The following CCDC178 variants were observed in gnomAD, a reference collection of about 807,000 sequenced individuals.
CCDC178 encodes the protein coiled-coil domain-containing protein 178.
A neutral mutation model predicts 117.4 loss-of-function variants in CCDC178; 126 were observed. The observed-to-expected ratio is 1.07, with a 90% CI of 0.93 to 1.24. The LOEUF (loss-of-function observed/expected upper bound fraction) is 1.24, where lower values mean the gene tolerates loss of function less well. Ranked by LOEUF, CCDC178 falls within the 50% of genes most tolerant of loss-of-function variation. The probability of loss-of-function intolerance (pLI) is 0.00; values close to 1 mark genes in which losing one functional copy is unlikely to be tolerated. For missense variants in CCDC178, 1,030 were observed against 986.9 expected (o/e 1.04, Z -0.59); for synonymous variants, 283 against 313.4 (o/e 0.90, Z 1.02).
chr18:33,356,910 C>T (rs1209455430), intron 6 of CCDC178, among the ~76,000 whole-genome samples: 1 of 151,978 alleles, frequency 6.6e-6, no homozygotes, highest in Non-Finnish European at 1.5e-5. Context: ...TTTTAGGGAG[C>T]CTGACACTTT....
At position 33,292,391 on chromosome 18, in the gene CCDC178, G is replaced by A. The variant is rs529365818; in HGVS notation, c.1176+768C>T. ...AACAGGTTGATCTCACAGAAGCAGA[G>A]AGTAGAACAGTGATAACTAGAGACT... On this transcript the variant is annotated intron_variant, in intron 12 of 22. Transcript: ENST00000383096. Among the ~76,000 whole-genome samples, 12 of 152,248 alleles carry A rather than the reference G, an allele frequency of 7.9e-5. No homozygotes were observed. The South Asian group carries it at 2.5e-3, about 32-fold the overall frequency.
intron 12 of CCDC178, 93 bp downstream of exon 12, chr18:33,293,066 G>T: frequency 1.3e-6 from 1 of 770,016 alleles, no homozygotes; most frequent in Non-Finnish European, 2.0e-6. Flanking sequence ...TAAAAAAATT[G>T]GCCAATTGCT....
At chr18:33,213,393 T>G (rs1361402971) in intron 19 of CCDC178, among the ~76,000 whole-genome samples, 1 of 152,020 alleles carries the variant, frequency 6.6e-6, no homozygotes, top group Non-Finnish European at 1.5e-5. Context: ...TGGTTTTTCC[T>G]CTACATCATT....
intron 21 of CCDC178, among the ~76,000 whole-genome samples, chr18:32,984,518 C>T (rs1695409336): frequency 1.3e-5 from 2 of 149,244 alleles, no homozygotes; most frequent in Admixed American, 1.3e-4. Context: ...TTACTGCATT[C>T]TGGTAGATTT....
chr18:33,234,687 T>G (rs2059407536), intron 15 of CCDC178, among the ~76,000 whole-genome samples: 1 of 152,108 alleles, frequency 6.6e-6, no homozygotes, highest in African/African-American at 2.4e-5. Flanking sequence ...CTAACTCCCT[T>G]ATTAATTTGA....
intron 22 of CCDC178, among the ~76,000 whole-genome samples, chr18:32,959,667 A>G (rs558726551): frequency 6.6e-6 from 1 of 152,156 alleles, no homozygotes; most frequent in South Asian, 2.1e-4. Flanking sequence ...TGGATGAAAA[A>G]TCATGTGCCT....
intron 20 of CCDC178, among the ~76,000 whole-genome samples, chr18:33,201,530 C>G (rs1296706179): frequency 1.3e-5 from 2 of 152,176 alleles, no homozygotes; most frequent in African/African-American, 2.4e-5. Context: ...ATGCGAATGT[C>G]TCTGGGTTAA....
At chr18:33,110,524 C>T (rs2057766518) in intron 20 of CCDC178, among the ~76,000 whole-genome samples, 1 of 151,548 alleles carries the variant, frequency 6.6e-6, no homozygotes, top group Non-Finnish European at 1.5e-5. Context: ...CTTTACATAA[C>T]TTTAACATTT....
chr18:32,944,487 A>C (rs1272181825), intron 22 of CCDC178, among the ~76,000 whole-genome samples: 1 of 152,200 alleles, frequency 6.6e-6, no homozygotes, highest in Non-Finnish European at 1.5e-5. Context: ...TCTGTAGTAC[A>C]TATTAATTGA....
intron 20 of CCDC178, among the ~76,000 whole-genome samples, chr18:33,124,545 AATG>A (rs2057979587): frequency 6.6e-6 from 1 of 152,224 alleles, no homozygotes; most frequent in African/African-American, 2.4e-5. Flanking sequence ...ATTTGTGAGT[AATG>A]ATAACTAACT....
intron 20 of CCDC178, among the ~76,000 whole-genome samples, chr18:33,164,422 A>G (rs1568028081): frequency 6.6e-6 from 1 of 152,076 alleles, no homozygotes; most frequent in Non-Finnish European, 1.5e-5. Context: ...ACCAGGATCC[A>G]TTAGTATTCT....
chr18:33,344,090 G>A (rs2062851988), intron 9 of CCDC178, among the ~76,000 whole-genome samples: 1 of 150,628 alleles, frequency 6.6e-6, no homozygotes. Flanking sequence ...GGATCATGAG[G>A]TCAGGAGATC....
At chr18:33,148,540 C>T (rs1041626517) in intron 20 of CCDC178, among the ~76,000 whole-genome samples, 2 of 151,868 alleles carry the variant, frequency 1.3e-5, no homozygotes, top group Admixed American at 1.3e-4. Context: ...CTTGGGGAAT[C>T]TTTGTAATGT....
chr18:33,344,064 G>C (rs2062851430), intron 9 of CCDC178, among the ~76,000 whole-genome samples: 1 of 151,770 alleles, frequency 6.6e-6, no homozygotes, highest in Non-Finnish European at 1.5e-5. Context: ...CAGCACTTTG[G>C]GAGGCCGAGG....
chr18:33,304,138 A>C (rs778256050), intron 11 of CCDC178, among the ~76,000 whole-genome samples: 3 of 152,230 alleles, frequency 2.0e-5, no homozygotes, highest in Non-Finnish European at 4.4e-5. Flanking sequence ...CTGCATAAAA[A>C]GTATAACCAA....
At chr18:33,413,679 A>G (rs1331056214) in intron 2 of CCDC178, among the ~76,000 whole-genome samples, 3 of 151,610 alleles carry the variant, frequency 2.0e-5, no homozygotes, top group Non-Finnish European at 4.4e-5. Context: ...TGAGACTAAC[A>G]TTTTAGGCCA....
chr18:33,111,071 T>G (rs944380343), intron 20 of CCDC178, among the ~76,000 whole-genome samples: 1 of 151,548 alleles, frequency 6.6e-6, no homozygotes, highest in African/African-American at 2.4e-5. Context: ...CTCAGAAAGG[T>G]TTGTAGTTTT....
chr18:33,321,168 A>T (rs946864306), intron 11 of CCDC178, among the ~76,000 whole-genome samples: 1 of 152,244 alleles, frequency 6.6e-6, no homozygotes, highest in Non-Finnish European at 1.5e-5. Context: ...ACCATTCAGG[A>T]CATAGGCATG....
At chr18:33,224,716 C>T (rs572714033) in intron 17 of CCDC178, 59 bp downstream of exon 17, 61 of 1,089,114 alleles carry the variant, frequency 5.6e-5, no homozygotes, top group African/African-American at 2.8e-4. Context: ...AAATCACATG[C>T]GTAACTTACT....
Sources: allele counts gnomAD v4.1 joint callset (sites outside exome capture counted in the v4.1 genomes callset), GRCh38; gene constraint gnomAD v4.1.1; transcripts MANE v1.5; gene names NCBI Gene and HGNC (gene_info 2026-07-23, HGNC 2026-07-21).